USH2A: variants seen among roughly 807,000 people sequenced by gnomAD.
The protein encoded by USH2A is Usher syndrome 2A (autosomal recessive, mild).
In USH2A, 443 loss-of-function variants were observed where a neutral mutation model predicts 538.9. The ratio of observed to expected loss-of-function variants is 0.82; its 90% CI spans 0.76 to 0.89. The LOEUF (loss-of-function observed/expected upper bound fraction) is 0.89. Among genes scored for constraint, USH2A ranks in the 40% least tolerant of loss-of-function variants. The pLI is 0.00. For missense variants in USH2A, 6,633 were observed against 6,324.8 expected (o/e 1.05, Z -1.65); for synonymous variants, 2,413 against 2,273.5 (o/e 1.06, Z -1.75).
At chr1:216,311,999 T>C (rs2037428558) in intron 9 of USH2A, among the ~76,000 whole-genome samples, 2 of 152,170 alleles carry the variant, frequency 1.3e-5, no homozygotes, top group South Asian at 4.1e-4. Context: ...TCTAATGTTC[T>C]CCCTTTCTTT....
At chr1:215,633,245 G>A (rs1656365128) in intron 70 of USH2A, among the ~76,000 whole-genome samples, 1 of 152,140 alleles carries the variant, frequency 6.6e-6, no homozygotes, top group Non-Finnish European at 1.5e-5. Context: ...GAGGAAGGAG[G>A]CTCCGAGGAG....
At chr1:216,268,360 A>G (rs1468198265) in intron 11 of USH2A, among the ~76,000 whole-genome samples, 2 of 152,138 alleles carry the variant, frequency 1.3e-5, no homozygotes, top group African/African-American at 4.8e-5. Flanking sequence ...TAAAATGAGC[A>G]TAATAATATC....
chr1:216,292,074 A>G (rs1295311785), intron 10 of USH2A, 101 bp downstream of exon 10: 2 of 1,335,428 alleles, frequency 1.5e-6, no homozygotes, highest in Non-Finnish European at 2.1e-6. Context: ...ATGAAAGTAC[A>G]TCCTTAAATA....
At chr1:216,280,226 G>T (rs1398898433) in intron 11 of USH2A, among the ~76,000 whole-genome samples, 2 of 151,824 alleles carry the variant, frequency 1.3e-5, no homozygotes, top group African/African-American at 4.8e-5. Flanking sequence ...CAAGAAGGAA[G>T]TGCAGTGGTA....
intron 55 of USH2A, among the ~76,000 whole-genome samples, chr1:215,768,806 C>T (rs528306505): frequency 6.6e-6 from 1 of 152,240 alleles, no homozygotes; most frequent in East Asian, 1.9e-4. Context: ...ACCATTTTAC[C>T]TGAATATCTT....
chr1:216,013,227 C>T (rs1186479587), intron 32 of USH2A, among the ~76,000 whole-genome samples: 1 of 150,792 alleles, frequency 6.6e-6, no homozygotes, highest in Non-Finnish European at 1.5e-5. Context: ...ACCAATAATT[C>T]TAAATGACAA....
intron 46 of USH2A, among the ~76,000 whole-genome samples, chr1:215,839,718 A>G (rs1663623435): frequency 6.6e-6 from 1 of 152,150 alleles, no homozygotes; most frequent in South Asian, 2.1e-4. Context: ...TTTGGGACCT[A>G]TTTCTAGTGC....
chr1:215,846,895 A>G (rs745668143), intron 44 of USH2A, among the ~76,000 whole-genome samples: 1 of 152,212 alleles, frequency 6.6e-6, no homozygotes, highest in Non-Finnish European at 1.5e-5. Context: ...TACATTGTCA[A>G]TGTAGCAGGG....
In USH2A at chr1:215,844,409, C is replaced by G. The variant is rs754391322; in HGVS notation, c.9143G>C (p.Gly3048Ala). ...ATAGATAGAATACTCAGTGACAACA[C>G]CATTTGGGTTTGAAGGAGATGTCCA... ...VIWTSPSNPN[G>A]VVTEYSIYVN... Residue 3048 changes from glycine to alanine, a missense_variant, in exon 46 of 72, where the codon GGT becomes GCT. Gly to Ala is a moderately conservative substitution (Grantham distance 60). Transcript: ENST00000307340. 1.2e-6 allele frequency: 2 copies of G among 1,613,592 alleles called. No individual in the cohort carries two copies. The highest frequency in any genetic ancestry group is 1.7e-6 in the Non-Finnish European group (2 of 1,179,888).
chr1:215,820,661 A>G (rs1662986615), intron 47 of USH2A, among the ~76,000 whole-genome samples: 1 of 151,630 alleles, frequency 6.6e-6, no homozygotes, highest in African/African-American at 2.4e-5. Context: ...CACCTTACTG[A>G]TCTATCAAAT....
In USH2A at chr1:215,634,481, T is replaced by C. The variant is rs141997584; in HGVS notation, c.15275A>G (p.Tyr5092Cys). The change falls in exon 70 of 72, where the codon TAC becomes TGC. Residue 5092 changes from tyrosine to cysteine, a missense_variant. Coordinates refer to ENST00000307340, the MANE Select transcript of USH2A (RefSeq NM_206933.4). ...LQKRMSPLNV[Y>C]PPGENHMGLA... ...TACCATATGGTTTTCCCCCGGTGGG[T>C]AAACATTCAATGGAGACATCCTCTT... The C allele has an allele frequency of 2.5e-6, 4 of 1,614,008 alleles. No individual in the cohort carries two copies. The African/African-American group carries it at 5.3e-5, about 22-fold the overall frequency.
chr1:215,995,304 A>G (rs1051107810), intron 34 of USH2A, among the ~76,000 whole-genome samples: 3 of 152,208 alleles, frequency 2.0e-5, no homozygotes, highest in African/African-American at 7.2e-5. Context: ...GAAATCTCTT[A>G]AGAATGTAAG....
chr1:216,088,855 A>C (rs946675389), intron 23 of USH2A, among the ~76,000 whole-genome samples, 158 bp downstream of exon 23: 1 of 152,188 alleles, frequency 6.6e-6, no homozygotes. Flanking sequence ...GCCAGACTTC[A>C]TCCTTTTAGG....
chr1:216,274,418 A>G (rs1199384800), intron 11 of USH2A, among the ~76,000 whole-genome samples: 1 of 152,108 alleles, frequency 6.6e-6, no homozygotes, highest in Non-Finnish European at 1.5e-5. Context: ...TTTATACAGT[A>G]TATTGTACTT....
Position 216,089,040 on chromosome 1 carries a change from G to C in USH2A, c.4858C>G (p.Gln1620Glu). The C allele has an allele frequency of 6.2e-7, 1 of 1,613,350 alleles. No individual in the cohort carries two copies. The highest frequency in any genetic ancestry group is 1.3e-5 in the African/African-American group (1 of 74,956). Residue 1620 changes from glutamine (Q) to glutamate (E), a missense_variant, in exon 23 of 72, where the codon CAA becomes GAA. By Grantham distance (29) the Gln-to-Glu change is conservative. Coordinates refer to ENST00000307340, the MANE Select transcript of USH2A (RefSeq NM_206933.4). ...GTATATATCCCATCCAGAGTGATTTGGCCAAAAGCCTGATGCCTAATAGCA... is the reference window on the plus strand; with the variant it reads ...GTATATATCCCATCCAGAGTGATTTCGCCAAAAGCCTGATGCCTAATAGCA... ...IIAIRHQAFG[Q>E]ITLDGIYTGS...
chr1:215,662,551 G>T (rs564336562), intron 64 of USH2A, among the ~76,000 whole-genome samples: 7 of 152,346 alleles, frequency 4.6e-5, no homozygotes, highest in Admixed American at 1.3e-4. Context: ...CTGACAGGTG[G>T]AAATGATCTC....
rs191213923 is a variant in USH2A, at chr1:215,748,862, T to C, written c.11390-5527A>G. Reference sequence around the variant, plus strand: ...CAATATATTCCCATAACATAGAAAGTACTTAATAAATGGCTGACATCTCTA... The same window carrying C: ...CAATATATTCCCATAACATAGAAAGCACTTAATAAATGGCTGACATCTCTA... On this transcript the variant is annotated intron_variant, in intron 58 of 71. Coordinates refer to ENST00000307340, the MANE Select transcript of USH2A (RefSeq NM_206933.4). 6.6e-5 allele frequency among the ~76,000 whole-genome samples: 10 copies of C among 152,264 alleles called. No individual in the cohort carries two copies. In the East Asian group the frequency reaches 7.7e-4, roughly 12 times the overall value.
intron 9 of USH2A, among the ~76,000 whole-genome samples, chr1:216,301,118 A>T (rs530977224): frequency 6.6e-6 from 1 of 152,198 alleles, no homozygotes; most frequent in Non-Finnish European, 1.5e-5. Context: ...TGTGTAAAAT[A>T]CAAGTTTAAG....
intron 50 of USH2A, among the ~76,000 whole-genome samples, chr1:215,794,630 TA>T (rs1457602430): frequency 6.6e-6 from 1 of 152,188 alleles, no homozygotes; most frequent in Non-Finnish European, 1.5e-5. Flanking sequence ...TAAAAAGATA[TA>T]TTTTTTCCTT....
Sources: allele counts gnomAD v4.1 joint callset (sites outside exome capture counted in the v4.1 genomes callset), GRCh38; gene constraint gnomAD v4.1.1; transcripts MANE v1.5; gene names NCBI Gene and HGNC (gene_info 2026-07-23, HGNC 2026-07-21).